Variants in ULK2 observed in about 807,000 individuals in gnomAD.
The protein encoded by ULK2 is unc-51 like autophagy activating kinase 2.
In ULK2, 76 loss-of-function variants were observed where a neutral mutation model predicts 127.5. The observed-to-expected ratio is 0.60, with a 90% CI of 0.50 to 0.72. ULK2 has a LOEUF of 0.72. Among genes scored for constraint, ULK2 ranks in the 30% least tolerant of loss-of-function variants. The pLI is 0.00. For missense variants in ULK2, 1,144 were observed against 1,295.9 expected (o/e 0.88, Z 1.80); for synonymous variants, 452 against 461.9 (o/e 0.98, Z 0.28).
chr17:19,802,376 A>T (rs2087419189), intron 15 of ULK2, among the ~76,000 whole-genome samples: 1 of 152,196 alleles, frequency 6.6e-6, no homozygotes, highest in Non-Finnish European at 1.5e-5. Flanking sequence ...CTGTATTCAA[A>T]ATTAAGCTGA....
At chr17:19,824,009 C>G (rs1015831256) in intron 12 of ULK2, among the ~76,000 whole-genome samples, 1 of 152,044 alleles carries the variant, frequency 6.6e-6, no homozygotes, top group African/African-American at 2.4e-5. Context: ...CCTGAAGAAC[C>G]CTACGAGGTA....
chr17:19,796,201 C>A lies in ULK2; in HGVS notation c.1891G>T (p.Glu631Ter). The A allele has an allele frequency of 1.2e-6, 2 of 1,614,162 alleles. No homozygotes were observed. Among genetic ancestry groups the A allele is most frequent in the Non-Finnish European group, 1.7e-6 (2 of 1,180,032 alleles). Residue 631 changes from glutamate to a stop codon, truncating the protein, a stop_gained, in exon 19 of 27, where the codon GAA (glutamate) becomes TAA (stop). Coordinates refer to ENST00000395544, the MANE Select transcript of ULK2 (RefSeq NM_014683.4). LOFTEE classifies it high-confidence loss of function. ...ALVTRHGPAEEQSKDGNEPRE... is the reference protein window; with the variant it reads ...ALVTRHGPAE Reference sequence around the variant, plus strand: ...GGCTCATTCCCATCTTTCGACTGTTCTTCAGCAGGCCCATGACGAGTAACC... The same window carrying A: ...GGCTCATTCCCATCTTTCGACTGTTATTCAGCAGGCCCATGACGAGTAACC...
intron 10 of ULK2, among the ~76,000 whole-genome samples, chr17:19,831,238 G>C (rs2041434689): frequency 6.6e-6 from 1 of 151,942 alleles, no homozygotes; most frequent in African/African-American, 2.4e-5. Flanking sequence ...CACGAGAACA[G>C]CATAGAGGAA....
chr17:19,786,529 C>A (rs1240722365), intron 20 of ULK2, among the ~76,000 whole-genome samples: 1 of 151,976 alleles, frequency 6.6e-6, no homozygotes, highest in Non-Finnish European at 1.5e-5. Context: ...GCCTGGCCAA[C>A]GTGGTGAAAC....
intron 10 of ULK2, among the ~76,000 whole-genome samples, chr17:19,834,441 T>A (rs2041540417): frequency 1.3e-5 from 2 of 151,122 alleles, no homozygotes; most frequent in African/African-American, 4.9e-5. Flanking sequence ...AAGATTAATA[T>A]ATATGACAAC....
intron 12 of ULK2, among the ~76,000 whole-genome samples, chr17:19,819,745 T>C (rs979531301): frequency 2.4e-4 from 36 of 152,200 alleles, no homozygotes; most frequent in African/African-American, 8.7e-4. Context: ...TTCCTCAGGT[T>C]CCAAGTTCAA....
At chr17:19,785,647 CGAA>C (rs1437914484) in intron 21 of ULK2, among the ~76,000 whole-genome samples, 2 of 151,652 alleles carry the variant, frequency 1.3e-5, no homozygotes, top group Non-Finnish European at 2.9e-5. Context: ...TGCTTCTTCA[CGAA>C]GAAGTCATAT....
intron 7 of ULK2, among the ~76,000 whole-genome samples, chr17:19,844,783 C>T (rs926093409): frequency 6.6e-6 from 1 of 152,050 alleles, no homozygotes; most frequent in East Asian, 1.9e-4. Context: ...TAATACTGCA[C>T]ATTACATTAG....
At chr17:19,828,179 C>G (rs2041343283) in intron 10 of ULK2, among the ~76,000 whole-genome samples, 1 of 152,110 alleles carries the variant, frequency 6.6e-6, no homozygotes, top group African/African-American at 2.4e-5. Context: ...CTTCAAAACT[C>G]AGGAAGAAAT....
intron 10 of ULK2, among the ~76,000 whole-genome samples, chr17:19,834,377 G>A (rs909137941): frequency 1.6e-4 from 24 of 151,834 alleles, no homozygotes; most frequent in African/African-American, 5.8e-4. Context: ...CCGATTTAAA[G>A]GACAACTGTA....
At chr17:19,815,395 G>A (rs1188855316) in intron 13 of ULK2, among the ~76,000 whole-genome samples, 2 of 151,998 alleles carry the variant, frequency 1.3e-5, no homozygotes, top group Admixed American at 1.3e-4. Context: ...CGATTCTCCA[G>A]CCTCAGCCTC....
At position 19,797,441 on chromosome 17, in the gene ULK2, C is replaced by T; in HGVS notation, c.1764G>A (p.Trp588Ter). The change falls in exon 18 of 27, where the codon TGG (tryptophan) becomes TGA (stop). Residue 588 changes from tryptophan to a stop codon, truncating the protein, a stop_gained. Coordinates refer to ENST00000395544, the MANE Select transcript of ULK2 (RefSeq NM_014683.4). LOFTEE classifies it high-confidence loss of function. ...TTGTTGGCAAAGGAGTTTTAAAGAACCAGTCAGAACTCCGTGGAGAGGACC... is the reference window on the plus strand; with the variant it reads ...TTGTTGGCAAAGGAGTTTTAAAGAATCAGTCAGAACTCCGTGGAGAGGACC... ...HLGSSPRSSD[W>*]FFKTPLPTII... The T allele has an allele frequency of 6.2e-7, 1 of 1,613,596 alleles. No homozygotes were observed. The highest frequency in any genetic ancestry group is 8.5e-7 in the Non-Finnish European group (1 of 1,179,832).
chr17:19,783,645 G>C (rs183606298), intron 22 of ULK2, 52 bp downstream of exon 22: 250 of 1,363,782 alleles, frequency 1.8e-4, no homozygotes, highest in Admixed American at 2.6e-4. Context: ...TCACTAGAAT[G>C]TTCTCATATC....
In ULK2 at chr17:19,776,059, T is replaced by C. The variant is rs2086806857; in HGVS notation, c.*290A>G. On this transcript the variant is annotated 3_prime_UTR_variant, in exon 27 of 27. Coordinates refer to ENST00000395544, the MANE Select transcript of ULK2 (RefSeq NM_014683.4). ...TATCTTTAAGAATAACTGTACCGAT[T>C]ATCCTAGTTCTAAGGTACATTTATT... 4 of 373,978 alleles carry C rather than the reference T, an allele frequency of 1.1e-5. No individual in the cohort carries two copies. The highest frequency in any genetic ancestry group is 7.0e-4 in the Middle Eastern group (1 of 1,426). 23.2% of individuals were successfully genotyped at this position (373,978 alleles called of 1,614,324 possible).
At position 19,850,335 on chromosome 17, in the gene ULK2, A is replaced by AT. The variant is rs1491271912; in HGVS notation, c.226-562dup. ...AAATGTTTTATCACATTATCAACAC[A>AT]TGTTCCACAATGTTGAGGAAATGAA... On this transcript the variant is annotated intron_variant, in intron 3 of 26. Coordinates refer to ENST00000395544, the MANE Select transcript of ULK2 (RefSeq NM_014683.4). Among the ~76,000 whole-genome samples the AT allele has an allele frequency of 6.6e-5, 10 of 152,280 alleles. No homozygotes were observed. The East Asian group carries it at 1.9e-3, about 29-fold the overall frequency.
At chr17:19,798,196 G>T (rs145961602) in intron 17 of ULK2, among the ~76,000 whole-genome samples, 1 of 151,450 alleles carries the variant, frequency 6.6e-6, no homozygotes, top group East Asian at 2.0e-4. Flanking sequence ...AAGATCATAA[G>T]ATAACAGACC....
chr17:19,795,984 T>A lies in ULK2; in HGVS notation c.1997+111A>T, dbSNP rs1480464103. 3 of 1,416,810 alleles carry A rather than the reference T, an allele frequency of 2.1e-6. No individual in the cohort carries two copies. The East Asian group carries it at 6.9e-5, about 33-fold the overall frequency. The allele number at this position is 1,416,810 out of a possible 1,614,324, so 87.8% of individuals were successfully genotyped here. A position where few individuals can be genotyped will look rare whatever the true frequency, so the allele number is the denominator to read the frequency against. On this transcript the variant is annotated intron_variant, in intron 19 of 26. Transcript: ENST00000395544. The stretch of plus-strand genomic sequence containing the variant: ...TACGTGGTACATATCAATAACCATA[T>A]GGCATAAATCACCCGCTACACTAAT...
chr17:19,781,240 T>TC, intron 23 of ULK2, 136 bp from the exon 24 acceptor site: 1 of 651,944 alleles, frequency 1.5e-6, no homozygotes, highest in Non-Finnish European at 2.5e-6. Flanking sequence ...CTTCTTTCTT[T>TC]TCTTTTTTTT....
At position 19,867,344 on chromosome 17, in the gene ULK2, C is replaced by A; in HGVS notation, c.74G>T (p.Arg25Leu). The A allele has an allele frequency of 6.3e-7, 1 of 1,599,962 alleles. No individual in the cohort carries two copies. The highest frequency in any genetic ancestry group is 8.5e-7 in the Non-Finnish European group (1 of 1,174,618). The change falls in exon 1 of 27, where the codon CGG (arginine) becomes CTG (leucine). Residue 25 changes from arginine (R) to leucine (L), a missense_variant. Physicochemically the swap from Arg to Leu is moderately radical, Grantham distance 102. Transcript: ENST00000395544. ...VGHGAFAVVFRGRHRQKTDWE... is the reference protein window; with the variant it reads ...VGHGAFAVVFLGRHRQKTDWE... ...GGCGCTCACCTGGCGGTGCCGCCCC[C>A]GGAAGACCACGGCGAAGGCCCCGTG...
Sources: allele counts gnomAD v4.1 joint callset (sites outside exome capture counted in the v4.1 genomes callset), GRCh38; gene constraint gnomAD v4.1.1; transcripts MANE v1.5; gene names NCBI Gene and HGNC (gene_info 2026-07-23, HGNC 2026-07-21).